The following BTBD9 variants were observed in gnomAD, a reference collection of about 807,000 sequenced individuals.
BTBD9 encodes BTB/POZ domain-containing protein 9.
BTBD9 carries 49 observed loss-of-function variants against 64.3 expected under a neutral mutation model. The observed-to-expected ratio is 0.76, with a 90% CI of 0.61 to 0.97. The LOEUF is 0.97. Ranked by LOEUF, BTBD9 falls within the 50% of genes least tolerant of loss-of-function variation. BTBD9 has a pLI of 0.00. For synonymous variants in BTBD9, 260 were observed against 274.7 expected (o/e 0.95, Z 0.53); for missense variants, 598 against 762.1 (o/e 0.78, Z 2.53).
intron 6 of BTBD9, among the ~76,000 whole-genome samples, chr6:38,479,571 G>A (rs902696482): frequency 6.6e-6 from 1 of 152,026 alleles, no homozygotes; most frequent in African/African-American, 2.4e-5. Flanking sequence ...TGCTTTATGA[G>A]GTAACACTCC....
rs1263673170 is a variant in BTBD9 at position 38,168,633 on chromosome 6, T to C, written c.*6352A>G. The stretch of plus-strand genomic sequence containing the variant: ...ACATAGCAGCACAGCCTTTTGGGCA[T>C]CTTTGGAGTTTTAGACGGAGCTTCT... On this transcript the variant is annotated 3_prime_UTR_variant, in exon 11 of 11. Coordinates refer to ENST00000481247, the MANE Select transcript of BTBD9 (RefSeq NM_001099272.2). 6.6e-6 allele frequency: 1 copy of C among 152,270 alleles called. No individual in the cohort carries two copies. Among genetic ancestry groups the C allele is most frequent in the Non-Finnish European group, 1.5e-5 (1 of 68,086 alleles). The allele number at this position is 152,270 out of a possible 1,614,324, so 9.4% of individuals were successfully genotyped here.
chr6:38,276,713 T>TGGAGGTAG (rs1405727083), intron 8 of BTBD9, among the ~76,000 whole-genome samples: 1 of 152,126 alleles, frequency 6.6e-6, no homozygotes, highest in Non-Finnish European at 1.5e-5. Context: ...AGCAAAAGAC[T>TGGAGGTAG]GGAGGTAGTA....
At chr6:38,543,913 C>T (rs892230859) in intron 6 of BTBD9, among the ~76,000 whole-genome samples, 1 of 150,600 alleles carries the variant, frequency 6.6e-6, no homozygotes, top group African/African-American at 2.4e-5. Flanking sequence ...GCCGAGATCG[C>T]GCCACTGCAC....
At chr6:38,187,596 G>A (rs893504785) in intron 10 of BTBD9, among the ~76,000 whole-genome samples, 3 of 152,166 alleles carry the variant, frequency 2.0e-5, no homozygotes, top group African/African-American at 7.2e-5. Flanking sequence ...AGAGCCAGGC[G>A]AGCAGGGAGC....
chr6:38,409,242 T>A (rs1767303236), intron 6 of BTBD9, among the ~76,000 whole-genome samples: 1 of 151,990 alleles, frequency 6.6e-6, no homozygotes, highest in Non-Finnish European at 1.5e-5. Context: ...AGAGACAGAC[T>A]CCATCTCAAA....
At chr6:38,214,585 A>T (rs1762950313) in intron 9 of BTBD9, among the ~76,000 whole-genome samples, 1 of 152,194 alleles carries the variant, frequency 6.6e-6, no homozygotes, top group African/African-American at 2.4e-5. Context: ...CAGAAGAGCG[A>T]AAACAGGGAG....
intron 6 of BTBD9, among the ~76,000 whole-genome samples, chr6:38,504,994 C>A (rs1247347041): frequency 6.6e-6 from 1 of 152,204 alleles, no homozygotes; most frequent in Non-Finnish European, 1.5e-5. Flanking sequence ...AGACACTTTT[C>A]TGACTCTATT....
At chr6:38,622,550 C>T (rs1265873358) in intron 1 of BTBD9, among the ~76,000 whole-genome samples, 1 of 152,090 alleles carries the variant, frequency 6.6e-6, no homozygotes, top group East Asian at 1.9e-4. Context: ...CTGATAGGAC[C>T]AAAAATACCC....
rs200666092 is a variant in BTBD9 at position 38,445,450 on chromosome 6, T to C, written c.1155-100357A>G. 3.3e-5 allele frequency among the ~76,000 whole-genome samples: 5 copies of C among 152,176 alleles called. No individual in the cohort carries two copies. In the East Asian group the frequency reaches 7.7e-4, roughly 23 times the overall value. On this transcript the variant is annotated intron_variant, in intron 6 of 10. Transcript: ENST00000481247. ...GGAAGGGAAGTGACCAACCAACCAGTGGTATCAAGTTAATGTAAGATGTGT... is the reference window on the plus strand; with the variant it reads ...GGAAGGGAAGTGACCAACCAACCAGCGGTATCAAGTTAATGTAAGATGTGT...
intron 6 of BTBD9, among the ~76,000 whole-genome samples, chr6:38,527,263 C>CAAAAAAAAAAAAAAAAAAAAAAA (rs55979438): frequency 1.9e-5 from 1 of 53,306 alleles, no homozygotes; most frequent in African/African-American, 8.8e-5. Context: ...GACTCTGTCT[C>CAAAAAAAAAAAAAAAAAAAAAAA]AAAAAAAAAA....
At chr6:38,268,430 G>C (rs1015749542) in intron 8 of BTBD9, among the ~76,000 whole-genome samples, 1 of 152,126 alleles carries the variant, frequency 6.6e-6, no homozygotes, top group African/African-American at 2.4e-5. Flanking sequence ...GTATTCTCTT[G>C]ACCTGGTGAT....
chr6:38,378,310 C>A (rs1002351178), intron 6 of BTBD9, among the ~76,000 whole-genome samples: 3 of 147,586 alleles, frequency 2.0e-5, no homozygotes, highest in African/African-American at 5.0e-5. Context: ...GTGGTGTGAT[C>A]TTGGCTCACT....
rs1766800472 is a variant in BTBD9 at position 38,171,880 on chromosome 6, A to AAAAAAAT, written c.*3104_*3105insATTTTTT. The AAAAAAAT allele has an allele frequency of 4.5e-5, 4 of 89,544 alleles. No homozygotes were observed. The highest frequency in any genetic ancestry group is 1.5e-4 in the African/African-American group (3 of 19,700). The allele number at this position is 89,544 out of a possible 1,614,324, so 5.5% of individuals were successfully genotyped here. A position where few individuals can be genotyped will look rare whatever the true frequency, so the allele number is the denominator to read the frequency against. ...AAAAAAAAAAAAAAAAAAAAAAAAA[A>AAAAAAAT]AATAATAATAATAATAATAATAATA... is the stretch of plus-strand genomic sequence containing the variant. On this transcript the variant is annotated 3_prime_UTR_variant, in exon 11 of 11. Coordinates refer to ENST00000481247, the MANE Select transcript of BTBD9 (RefSeq NM_001099272.2).
chr6:38,259,110 T>C (rs909785870), intron 8 of BTBD9, among the ~76,000 whole-genome samples: 5 of 152,192 alleles, frequency 3.3e-5, no homozygotes, highest in Non-Finnish European at 7.3e-5. Flanking sequence ...ACTCATACAG[T>C]AACTAAGTGA....
At chr6:38,352,101 G>A (rs1464347616) in intron 6 of BTBD9, among the ~76,000 whole-genome samples, 2 of 152,068 alleles carry the variant, frequency 1.3e-5, no homozygotes, top group Non-Finnish European at 2.9e-5. Context: ...TAGGGGTCAG[G>A]CACTGTAGCT....
intron 6 of BTBD9, among the ~76,000 whole-genome samples, chr6:38,357,219 C>T (rs982236249): frequency 6.6e-5 from 10 of 152,158 alleles, no homozygotes; most frequent in Admixed American, 4.6e-4. Flanking sequence ...GTAGCCCTTC[C>T]CTACCCACTT....
chr6:38,631,685 T>TCCAGCC (rs578226315), intron 1 of BTBD9, among the ~76,000 whole-genome samples: 1,537 of 152,198 alleles, frequency 0.01, 13 homozygotes, highest in Non-Finnish European at 0.017. Flanking sequence ...AAGCAGATCC[T>TCCAGCC]CCAGCCCCAG....
intron 6 of BTBD9, among the ~76,000 whole-genome samples, chr6:38,529,187 G>A (rs1037248558): frequency 5.3e-5 from 8 of 152,180 alleles, no homozygotes; most frequent in African/African-American, 1.7e-4. Flanking sequence ...CCATTGCTAA[G>A]CTGGCTTCAG....
chr6:38,176,830 C>T (rs540671249), intron 10 of BTBD9, among the ~76,000 whole-genome samples: 1 of 152,186 alleles, frequency 6.6e-6, no homozygotes, highest in Non-Finnish European at 1.5e-5. Context: ...CTGGGCATGT[C>T]GGCCACTCAT....
Sources: allele counts gnomAD v4.1 joint callset (sites outside exome capture counted in the v4.1 genomes callset), GRCh38; gene constraint gnomAD v4.1.1; transcripts MANE v1.5; gene names NCBI Gene and HGNC (gene_info 2026-07-23, HGNC 2026-07-21).